ZAR1L: variants seen among roughly 807,000 people sequenced by gnomAD.
The protein encoded by ZAR1L is protein ZAR1-like.
ZAR1L carries 16 observed loss-of-function variants against 30.0 expected under a neutral mutation model. The observed-to-expected ratio is 0.53, with a 90% CI of 0.36 to 0.81. The LOEUF (loss-of-function observed/expected upper bound fraction) is 0.81. Among genes scored for constraint, ZAR1L ranks in the 30% least tolerant of loss-of-function variants. The pLI, the probability that ZAR1L is intolerant of heterozygous loss-of-function variation, is 0.00. For missense variants in ZAR1L, 392 were observed against 417.2 expected (o/e 0.94, Z 0.53); for synonymous variants, 197 against 166.8 (o/e 1.18, Z -1.40).
Position 32,311,734 on chromosome 13 carries a change from C to T in ZAR1L, c.192G>A (p.Lys64=), listed in dbSNP as rs1385668348. 11 of 1,551,738 alleles carry T rather than the reference C, an allele frequency of 7.1e-6. No homozygotes were observed. The highest frequency in any genetic ancestry group is 9.6e-6 in the Non-Finnish European group (11 of 1,147,012). The change falls in exon 3 of 6, where the codon AAG becomes AAA. Residue 64 remains lysine (K), a synonymous_variant. Transcript: ENST00000533490. The part of the protein sequence containing the change: ...NAPDYCIDPY[K]RAQLKAILSQ... Reference sequence around the variant, plus strand: ...AGAGAATGGCCTTAAGCTGCGCCCTCTTGTAAGGGTCAATGCAGTAGTCAG... The same window carrying T: ...AGAGAATGGCCTTAAGCTGCGCCCTTTTGTAAGGGTCAATGCAGTAGTCAG...
chr13:32,311,413 CCGTGATGGTGG>C lies in ZAR1L; in HGVS notation c.502_512del (p.Pro168GlufsTer5). The C allele has an allele frequency of 6.5e-7, 1 of 1,550,220 alleles. No homozygotes were observed. Among genetic ancestry groups the C allele is most frequent in the Non-Finnish European group, 8.7e-7 (1 of 1,146,942 alleles). ...CCTCCTGCCTGTCAGCTCCTGACCT[CCGTGATGGTGG>C]CTGCGGCTGGCTGGCCTCCGCAGGG... On this transcript the variant is annotated frameshift_variant, in exon 3 of 6. Coordinates refer to ENST00000533490, the MANE Select transcript of ZAR1L (RefSeq NM_001136571.2). LOFTEE classifies it high-confidence loss of function.
chr13:32,305,065 CCT>C (rs982516012), intron 5 of ZAR1L, among the ~76,000 whole-genome samples: 1 of 151,958 alleles, frequency 6.6e-6, no homozygotes, highest in African/African-American at 2.4e-5. Context: ...TCCGCCTTGG[CCT>C]CCCAAAGCGC....
intron 3 of ZAR1L, among the ~76,000 whole-genome samples, chr13:32,310,992 T>C (rs2138689130): frequency 6.6e-6 from 1 of 152,298 alleles, no homozygotes; most frequent in East Asian, 1.9e-4. Flanking sequence ...TCTGATTTCA[T>C]GTATTACAGA....
intron 1 of ZAR1L, among the ~76,000 whole-genome samples, chr13:32,315,077 G>A (rs1175588878): frequency 6.6e-6 from 1 of 152,016 alleles, no homozygotes; most frequent in African/African-American, 2.4e-5. Flanking sequence ...ACCACACACC[G>A]ACCACTCTAA....
At chr13:32,313,921 C>T (rs1205456271) in intron 2 of ZAR1L, among the ~76,000 whole-genome samples, 1 of 152,072 alleles carries the variant, frequency 6.6e-6, no homozygotes, top group Non-Finnish European at 1.5e-5. Context: ...GACACCCCTC[C>T]CCCACAAAAA....
intron 3 of ZAR1L, 118 bp downstream of exon 3, chr13:32,311,154 C>T: frequency 8.1e-7 from 1 of 1,241,546 alleles, no homozygotes; most frequent in Non-Finnish European, 1.1e-6. Flanking sequence ...GCTCCCTCTC[C>T]TTCACCAAGT....
intron 5 of ZAR1L, among the ~76,000 whole-genome samples, chr13:32,304,810 T>C (rs1335637645): frequency 3.6e-5 from 2 of 56,036 alleles, no homozygotes; most frequent in East Asian, 3.5e-4. Context: ...AAGATTTACC[T>C]TTTTTTTTTT....
At chr13:32,309,353 C>A (rs533414665) in intron 4 of ZAR1L, among the ~76,000 whole-genome samples, 4 of 152,232 alleles carry the variant, frequency 2.6e-5, no homozygotes, top group Middle Eastern at 3.4e-3. Flanking sequence ...TAATGTACAC[C>A]AAGTACCACA....
Position 32,311,721 on chromosome 13 carries a change from T to C in ZAR1L, c.205A>G (p.Lys69Glu), listed in dbSNP as rs2072215303. 1 of 1,551,520 alleles carries C rather than the reference T, an allele frequency of 6.4e-7. No individual in the cohort carries two copies. Among genetic ancestry groups the C allele is most frequent in the African/African-American group, 1.4e-5 (1 of 73,048 alleles). Residue 69 changes from lysine to glutamate, a missense_variant, in exon 3 of 6, where the codon AAG (lysine) becomes GAG (glutamate). Physicochemically the swap from Lys to Glu is moderately conservative, Grantham distance 56. Coordinates refer to ENST00000533490, the MANE Select transcript of ZAR1L (RefSeq NM_001136571.2). The stretch of plus-strand genomic sequence containing the variant: ...GGGTTCATCTGGGAGAGAATGGCCT[T>C]AAGCTGCGCCCTCTTGTAAGGGTCA... ...CIDPYKRAQL[K>E]AILSQMNPSL...
At chr13:32,310,574 A>T (rs2072205195) in intron 4 of ZAR1L, 65 bp downstream of exon 4, 2 of 1,117,824 alleles carry the variant, frequency 1.8e-6, no homozygotes, top group East Asian at 5.2e-5. Context: ...CAGGAATCAG[A>T]TTCTTCCCCG....
intron 5 of ZAR1L, among the ~76,000 whole-genome samples, chr13:32,307,422 C>G (rs2072183615): frequency 7.0e-6 from 1 of 142,698 alleles, no homozygotes; most frequent in African/African-American, 2.6e-5. Context: ...TCACTTGAAC[C>G]CAGGAGGCAG....
At position 32,311,610 on chromosome 13, in the gene ZAR1L, A is replaced by C. The variant is rs1005727246; in HGVS notation, c.316T>G (p.Ser106Ala). 6.5e-7 allele frequency: 1 copy of C among 1,549,630 alleles called. No individual in the cohort carries two copies. The highest frequency in any genetic ancestry group is 8.7e-7 in the Non-Finnish European group (1 of 1,146,206). Residue 106 changes from serine to alanine, a missense_variant, in exon 3 of 6, where the codon TCT becomes GCT. Physicochemically the swap from Ser to Ala is moderately conservative, Grantham distance 99. Transcript: ENST00000533490. Reference protein sequence around the residue: ...SPRVDKAVQCSLGPRTLSSCS... With the variant: ...SPRVDKAVQCALGPRTLSSCS... The stretch of plus-strand genomic sequence containing the variant: ...CTGCTGAGGGTGCGAGGCCCCAGAG[A>C]GCACTGCACAGCCTTGTCCACCCGC...
At chr13:32,304,747 C>T (rs1246542087) in intron 5 of ZAR1L, among the ~76,000 whole-genome samples, 1 of 152,096 alleles carries the variant, frequency 6.6e-6, no homozygotes, top group Non-Finnish European at 1.5e-5. Context: ...GTTCCATCCC[C>T]CCAACCCTGC....
At chr13:32,306,576 G>T (rs1261405275) in intron 5 of ZAR1L, among the ~76,000 whole-genome samples, 2 of 152,052 alleles carry the variant, frequency 1.3e-5, no homozygotes, top group African/African-American at 4.8e-5. Context: ...ATCCTTAAAG[G>T]GCAGAAAGAA....
chr13:32,311,293 C>A lies in ZAR1L; in HGVS notation c.633G>T (p.Pro211=). Reference sequence around the variant, plus strand: ...CTACCTGGAAGTTGGGCCTCCGGAGCGGCTCGGAGGCGGCGTCTCCAGGCA... The same window carrying A: ...CTACCTGGAAGTTGGGCCTCCGGAGAGGCTCGGAGGCGGCGTCTCCAGGCA... ...KQVPGDAASE[P]LRRPNFQFLE... Residue 211 remains proline, a synonymous_variant, in exon 3 of 6, where the codon CCG becomes CCT. Transcript: ENST00000533490. 3.2e-6 allele frequency: 5 copies of A among 1,548,588 alleles called. No individual in the cohort carries two copies. The highest frequency in any genetic ancestry group is 4.4e-6 in the Non-Finnish European group (5 of 1,145,850).
chr13:32,307,371 C>A (rs1198575007), intron 5 of ZAR1L, among the ~76,000 whole-genome samples: 1 of 151,256 alleles, frequency 6.6e-6, no homozygotes, highest in Non-Finnish European at 1.5e-5. Flanking sequence ...TGGTAGCAGG[C>A]GCCTGTAGTC....
rs1295859499 is a variant in ZAR1L, at chr13:32,311,470, C to G, written c.456G>C (p.Ala152=). Residue 152 remains alanine, a synonymous_variant, in exon 3 of 6, where the codon GCG becomes GCC. Transcript: ENST00000533490. ...LIRLRRDGDE[A]ESKALPGPAE... is the part of the protein sequence containing the mutation. ...CAGGGCCCGGGAGCGCCTTGCTCTC[C>G]GCTTCGTCCCCATCTCTCCGCAGGC... 4 of 1,546,460 alleles carry G rather than the reference C, an allele frequency of 2.6e-6. No homozygotes were observed. The Admixed American group carries it at 5.9e-5, about 23-fold the overall frequency.
chr13:32,309,277 C>T (rs1166973384), intron 4 of ZAR1L, among the ~76,000 whole-genome samples: 1 of 152,120 alleles, frequency 6.6e-6, no homozygotes, highest in African/African-American at 2.4e-5. Context: ...CAAGCCTGAG[C>T]CACCGCATCC....
chr13:32,311,145 C>G, intron 3 of ZAR1L, 127 bp downstream of exon 3: 1 of 1,162,416 alleles, frequency 8.6e-7, no homozygotes, highest in South Asian at 1.6e-5. Context: ...ATTTTCAGAG[C>G]TCCCTCTCCT....
Sources: allele counts gnomAD v4.1 joint callset (sites outside exome capture counted in the v4.1 genomes callset), GRCh38; gene constraint gnomAD v4.1.1; transcripts MANE v1.5; gene names NCBI Gene and HGNC (gene_info 2026-07-23, HGNC 2026-07-21).